The following TASP1 variants were observed in gnomAD, a reference collection of about 807,000 sequenced individuals.
TASP1 encodes the protein threonine aspartase 1.
TASP1 carries 16 observed loss-of-function variants against 56.6 expected under a neutral mutation model. The ratio of observed to expected loss-of-function variants is 0.28; its 90% CI spans 0.19 to 0.43. The LOEUF (loss-of-function observed/expected upper bound fraction) is 0.43, where lower values mean the gene tolerates loss of function less well. TASP1 is among the 20% of genes least tolerant of loss of function. The pLI is 1.00. For synonymous variants in TASP1, 179 were observed against 184.2 expected (o/e 0.97, Z 0.23); for missense variants, 393 against 511.6 (o/e 0.77, Z 2.24).
chr20:13,234,152 T>G, the TASP1 span, among the ~76,000 whole-genome samples: 7 of 152,174 alleles, frequency 4.6e-5, no homozygotes, highest in African/African-American at 1.7e-4. Flanking sequence ...CAGTGTCTGA[T>G]TACTCTTTGT....
At chr20:13,169,156 A>G in the TASP1 span, 1 of 152,224 alleles carries the variant, frequency 6.6e-6, no homozygotes, top group African/African-American at 2.4e-5. Flanking sequence ...AGACTGAGGT[A>G]GAGATTTGTA....
chr20:13,576,395 A>AAGAAAGAAAGTAAGTC (rs1555793620), intron 6 of TASP1, among the ~76,000 whole-genome samples: 1 of 142,316 alleles, frequency 7.0e-6, no homozygotes, highest in East Asian at 2.0e-4. Flanking sequence ...GAAAGAAAGA[A>AAGAAAGAAAGTAAGTC]AGTCAGTCTT....
intron 11 of TASP1, among the ~76,000 whole-genome samples, chr20:13,482,472 T>C (rs192860723): frequency 1.3e-5 from 2 of 152,340 alleles, no homozygotes; most frequent in Admixed American, 6.5e-5. Flanking sequence ...AGGGATTGCA[T>C]TGAATCTTTG....
the TASP1 span, among the ~76,000 whole-genome samples, chr20:13,210,290 T>C: frequency 6.6e-6 from 1 of 152,196 alleles, no homozygotes; most frequent in Non-Finnish European, 1.5e-5. Context: ...CTGTGAACTA[T>C]TAGGACTAAG....
intron 7 of TASP1, among the ~76,000 whole-genome samples, chr20:13,568,224 T>A (rs1261302308): frequency 6.6e-6 from 1 of 152,148 alleles, no homozygotes; most frequent in Non-Finnish European, 1.5e-5. Flanking sequence ...CATAGCCCAC[T>A]GCAGCCTCAA....
At chr20:13,629,478 T>C (rs543743540) in intron 2 of TASP1, among the ~76,000 whole-genome samples, 20 of 152,060 alleles carry the variant, frequency 1.3e-4, no homozygotes, top group African/African-American at 4.6e-4. Context: ...CAATATTTTA[T>C]TTTATTTTAT....
intron 11 of TASP1, among the ~76,000 whole-genome samples, chr20:13,442,942 T>A (rs1038889296): frequency 6.6e-6 from 1 of 152,228 alleles, no homozygotes; most frequent in African/African-American, 2.4e-5. Context: ...TATTAAGATA[T>A]AATTTTTTAA....
the TASP1 span, among the ~76,000 whole-genome samples, chr20:13,376,271 C>T: frequency 6.6e-6 from 1 of 152,186 alleles, no homozygotes; most frequent in East Asian, 1.9e-4. Context: ...AGGAAGGGGT[C>T]CAGTTTCAGT....
the TASP1 span, among the ~76,000 whole-genome samples, chr20:13,124,737 G>C: frequency 1.3e-5 from 2 of 152,182 alleles, no homozygotes; most frequent in African/African-American, 4.8e-5. Context: ...GAGAAACTGT[G>C]AATGTTGAAA....
chr20:13,375,450 A>G, the TASP1 span, among the ~76,000 whole-genome samples: 4 of 152,124 alleles, frequency 2.6e-5, no homozygotes, highest in Admixed American at 2.0e-4. Context: ...TCCATGGTGT[A>G]TATGTGCCAC....
At chr20:13,435,884 T>C (rs1568797645) in intron 11 of TASP1, among the ~76,000 whole-genome samples, 1 of 152,260 alleles carries the variant, frequency 6.6e-6, no homozygotes, top group East Asian at 1.9e-4. Context: ...CCAATCAAAT[T>C]GGATTTGGTG....
intron 8 of TASP1, among the ~76,000 whole-genome samples, chr20:13,551,890 T>C (rs2045992117): frequency 6.6e-6 from 1 of 152,176 alleles, no homozygotes; most frequent in Non-Finnish European, 1.5e-5. Flanking sequence ...AACTTACTGA[T>C]AAGTATTCCA....
At chr20:13,359,037 G>A in the TASP1 span, among the ~76,000 whole-genome samples, 1 of 148,822 alleles carries the variant, frequency 6.7e-6, no homozygotes, top group Non-Finnish European at 1.5e-5. Context: ...GGCAAGTCCC[G>A]CTTTCCTAGG....
chr20:13,302,324 A>T, the TASP1 span, among the ~76,000 whole-genome samples: 1 of 152,332 alleles, frequency 6.6e-6, no homozygotes. Context: ...CTGGTCTCCC[A>T]TGCATCATCA....
chr20:13,347,597 G>A, the TASP1 span, among the ~76,000 whole-genome samples: 11 of 152,166 alleles, frequency 7.2e-5, no homozygotes, highest in Non-Finnish European at 1.3e-4. Flanking sequence ...CCAGCACTTC[G>A]GGAGGCCGAG....
the TASP1 span, among the ~76,000 whole-genome samples, chr20:13,214,265 C>A: frequency 6.6e-6 from 1 of 152,016 alleles, no homozygotes; most frequent in Non-Finnish European, 1.5e-5. Context: ...GATGAACTAC[C>A]CTATTCACAA....
intron 7 of TASP1, among the ~76,000 whole-genome samples, chr20:13,566,990 A>G (rs2046552489): frequency 6.6e-6 from 1 of 152,236 alleles, no homozygotes; most frequent in Non-Finnish European, 1.5e-5. Context: ...TGTTCACTGC[A>G]GCACTATTCA....
At chr20:13,575,597 A>C (rs1219213762) in intron 6 of TASP1, among the ~76,000 whole-genome samples, 2 of 152,136 alleles carry the variant, frequency 1.3e-5, no homozygotes, top group Admixed American at 6.6e-5. Flanking sequence ...CTCTTTTTTT[A>C]ATAAATTACC....
intron 6 of TASP1, among the ~76,000 whole-genome samples, chr20:13,579,568 G>T (rs2047044823): frequency 6.6e-6 from 1 of 151,766 alleles, no homozygotes; most frequent in Non-Finnish European, 1.5e-5. Context: ...TTTCACCGTG[G>T]TCTCGATCTC....
Sources: gnomAD v4.1 joint callset for allele counts (sites outside exome capture counted in the v4.1 genomes callset) on GRCh38, gnomAD v4.1.1 for gene constraint, MANE v1.5 for transcripts, NCBI Gene and HGNC (gene_info 2026-07-23, HGNC 2026-07-21) for gene names.